The following PSD4 variants were observed in gnomAD, a reference collection of about 807,000 sequenced individuals.
The protein encoded by PSD4 is PH and SEC7 domain-containing protein 4.
In PSD4, 59 loss-of-function variants were observed where a neutral mutation model predicts 112.5. The ratio of observed to expected loss-of-function variants is 0.52; its 90% CI spans 0.43 to 0.65. The LOEUF is 0.65. PSD4 is among the 30% of genes least tolerant of loss of function. The pLI is 0.00. For missense variants in PSD4, 1,267 were observed against 1,352.6 expected, an observed-to-expected ratio of 0.94 and a Z score of 0.99; for synonymous variants, 533 against 540.0, an observed-to-expected ratio of 0.99 and a Z score of 0.18.
At chr2:113,184,872 G>T in intron 2 of PSD4, 85 bp from the exon 3 acceptor site, 1 of 1,570,266 alleles carries the variant, frequency 6.4e-7, no homozygotes. Context: ...GAGGCTTCAT[G>T]GGATTTGAGA....
chr2:113,189,890 G>A (rs1264365711), intron 5 of PSD4, among the ~76,000 whole-genome samples: 1 of 152,146 alleles, frequency 6.6e-6, no homozygotes, highest in Non-Finnish European at 1.5e-5. Context: ...ATTTGTTTGA[G>A]TTCATTGTAG....
chr2:113,182,408 C>T lies in PSD4; in HGVS notation c.-49C>T, dbSNP rs189845226. 3.2e-4 allele frequency: 475 copies of T among 1,494,686 alleles called. 6 individuals carry two copies. The African/African-American group carries it at 6.0e-3, about 19-fold the overall frequency. 92.6% of individuals were successfully genotyped at this position (1,494,686 alleles called of 1,614,324 possible). On this transcript the variant is annotated 5_prime_UTR_variant, in exon 2 of 17. Transcript: ENST00000245796. ...CTCCCCCTAGTCCACACAGTGAGACCGTGAAAGCAGATGCTCCGGGGCACT... is the reference window on the plus strand; with the variant it reads ...CTCCCCCTAGTCCACACAGTGAGACTGTGAAAGCAGATGCTCCGGGGCACT...
intron 5 of PSD4, among the ~76,000 whole-genome samples, chr2:113,190,653 G>C (rs1036747403): frequency 6.6e-6 from 1 of 152,074 alleles, no homozygotes; most frequent in South Asian, 2.1e-4. Flanking sequence ...ATGTTGCCCA[G>C]GCAGACCACA....
At chr2:113,180,669 C>T (rs1036100820) in intron 1 of PSD4, among the ~76,000 whole-genome samples, 11 of 149,728 alleles carry the variant, frequency 7.3e-5, no homozygotes, top group Non-Finnish European at 1.5e-4. Context: ...TGTTAAACAG[C>T]GACACGCAGG....
chr2:113,189,448 G>A (rs1688393602), intron 5 of PSD4, among the ~76,000 whole-genome samples: 1 of 151,746 alleles, frequency 6.6e-6, no homozygotes, highest in Non-Finnish European at 1.5e-5. Flanking sequence ...TTTTGTGATT[G>A]CAAATTGTGC....
At chr2:113,184,151 A>T (rs1426917935) in intron 2 of PSD4, among the ~76,000 whole-genome samples, 2 of 152,222 alleles carry the variant, frequency 1.3e-5, no homozygotes, top group Non-Finnish European at 2.9e-5. Flanking sequence ...TTAAGAGATA[A>T]GGAGACTCAA....
At position 113,182,663 on chromosome 2, in the gene PSD4, T is replaced by A; in HGVS notation, c.207T>A (p.Gly69=). The change falls in exon 2 of 17, where the codon GGT becomes GGA. Residue 69 remains glycine (G), a synonymous_variant. Transcript: ENST00000245796. ...TRQNVPPWGS[G]VELTHLGSWV... is the part of the protein sequence containing the mutation. ...AAAATGTTCCTCCCTGGGGCTCCGG[T>A]GTGGAGCTCACACACCTGGGGAGCT... is the stretch of plus-strand genomic sequence containing the variant. 6.2e-7 allele frequency: 1 copy of A among 1,613,590 alleles called. No individual in the cohort carries two copies. Among genetic ancestry groups the A allele is most frequent in the Non-Finnish European group, 8.5e-7 (1 of 1,179,770 alleles).
chr2:113,193,539 C>T (rs1688515394), intron 8 of PSD4, 53 bp from the exon 9 acceptor site: 1 of 1,576,112 alleles, frequency 6.3e-7, no homozygotes, highest in Non-Finnish European at 8.7e-7. Flanking sequence ...GCAGAGGAAA[C>T]AGGAGCCCTG....
intron 1 of PSD4, among the ~76,000 whole-genome samples, chr2:113,178,944 A>T (rs1036025996): frequency 2.0e-5 from 3 of 152,072 alleles, no homozygotes; most frequent in African/African-American, 7.2e-5. Flanking sequence ...AGAGCTAGGG[A>T]TGTCCTATGT....
Position 113,201,870 on chromosome 2 carries a change from G to C in PSD4, c.*455G>C. The C allele has an allele frequency of 6.0e-6, 1 of 167,236 alleles. No individual in the cohort carries two copies. Among genetic ancestry groups the C allele is most frequent in the South Asian group, 1.5e-4 (1 of 6,764 alleles). The allele number at this position is 167,236 out of a possible 1,614,324, so 10.4% of individuals were successfully genotyped here. ...GGGCAGCCCAGCCAGGGGAGCCACA[G>C]CCCCAAGGATGGTCTTGCTCTGGGA... On this transcript the variant is annotated 3_prime_UTR_variant, in exon 17 of 17. Coordinates refer to ENST00000245796, the MANE Select transcript of PSD4 (RefSeq NM_012455.3).
chr2:113,192,383 G>T lies in PSD4; in HGVS notation c.1632G>T (p.Glu544Asp), dbSNP rs1394751264. 1 of 1,614,064 alleles carries T rather than the reference G, an allele frequency of 6.2e-7. No individual in the cohort carries two copies. ...GCTCCTGCATGTCTATCTCAAGTGA[G>T]AATCTGAGGACACCGATGAACTCTT... ...PDIHLTSAEH[E>D]NLRTPMNSSW... The change falls in exon 6 of 17, where the codon GAG becomes GAT. Residue 544 changes from glutamate to aspartate, a missense_variant. By Grantham distance (45) the Glu-to-Asp change is conservative. Around this residue, in one of 2 missense-constraint regions of PSD4, gnomAD observed 723 missense variants for 704.0 expected, o/e 1.03. Transcript: ENST00000245796.
At chr2:113,196,406 C>A in intron 12 of PSD4, 99 bp downstream of exon 12, 2 of 1,428,880 alleles carry the variant, frequency 1.4e-6, no homozygotes, top group Non-Finnish European at 1.9e-6. Context: ...AGACAGCCCG[C>A]GTTGAGGACA....
At chr2:113,196,882 C>T (rs1442244642) in intron 12 of PSD4, among the ~76,000 whole-genome samples, 1 of 152,240 alleles carries the variant, frequency 6.6e-6, no homozygotes, top group Non-Finnish European at 1.5e-5. Context: ...CCTTATTCCA[C>T]AGGCAGCTGA....
Position 113,182,532 on chromosome 2 carries a change from G to C in PSD4, c.76G>C (p.Glu26Gln), listed in dbSNP as rs768287081. 6.2e-6 allele frequency: 10 copies of C among 1,614,168 alleles called. No homozygotes were observed. Among genetic ancestry groups the C allele is most frequent in the Middle Eastern group, 1.7e-4 (1 of 6,060 alleles). The change falls in exon 2 of 17, where the codon GAG (glutamate) becomes CAG (glutamine). Residue 26 changes from glutamate to glutamine, a missense_variant. Physicochemically the swap from Glu to Gln is conservative, Grantham distance 29. Transcript: ENST00000245796. ...ILNLYLGDSL[E>Q]PHPGECPRET... ...CAACCTGTACTTGGGAGACAGCCTG[G>C]AGCCCCACCCAGGAGAGTGCCCAAG...
chr2:113,185,372 T>C lies in PSD4; in HGVS notation c.1181T>C (p.Leu394Pro). ...CTTTGCCTCTCTCAACAGGCCTCTC[T>C]CAGCCCTGAGGGCTGGCAGAGAGGA... ...AAHPVQPWASLSPEGWQRGGP... is the reference protein window; with the variant it reads ...AAHPVQPWASPSPEGWQRGGP... The change falls in exon 4 of 17, where the codon CTC becomes CCC. Residue 394 changes from leucine (L) to proline (P), a missense_variant. Coordinates refer to ENST00000245796, the MANE Select transcript of PSD4 (RefSeq NM_012455.3). 1.9e-6 allele frequency: 3 copies of C among 1,614,146 alleles called. No individual in the cohort carries two copies. The highest frequency in any genetic ancestry group is 2.5e-6 in the Non-Finnish European group (3 of 1,180,020).
chr2:113,208,868 G>C lies in PSD4; in HGVS notation c.*7453G>C, dbSNP rs529604829. The C allele has an allele frequency of 6.6e-6, 1 of 152,312 alleles. No homozygotes were observed. Among genetic ancestry groups the C allele is most frequent in the African/African-American group, 2.4e-5 (1 of 41,556 alleles). The allele number at this position is 152,312 out of a possible 1,614,324, so 9.4% of individuals were successfully genotyped here. The stretch of plus-strand genomic sequence containing the variant: ...GAAAACCCACTTGAAAGAAATCCCA[G>C]TGCTGAAGAAAGAATTGAAACATAC... On this transcript the variant is annotated 3_prime_UTR_variant, in exon 17 of 17. Coordinates refer to ENST00000245796, the MANE Select transcript of PSD4 (RefSeq NM_012455.3).
intron 1 of PSD4, among the ~76,000 whole-genome samples, chr2:113,175,855 G>T (rs17043041): frequency 0.021 from 3,132 of 152,274 alleles, 111 homozygotes; most frequent in African/African-American, 0.072. Flanking sequence ...GCAGGACACG[G>T]TATTTCCTGA....
At chr2:113,177,229 C>T (rs1004894744) in intron 1 of PSD4, among the ~76,000 whole-genome samples, 5 of 152,166 alleles carry the variant, frequency 3.3e-5, no homozygotes, top group Non-Finnish European at 5.9e-5. Flanking sequence ...GCAGACTGGC[C>T]CCCGTGGGGA....
chr2:113,206,510 C>CA lies in PSD4; in HGVS notation c.*5096dup, dbSNP rs1268700208. On this transcript the variant is annotated 3_prime_UTR_variant, in exon 17 of 17. Coordinates refer to ENST00000245796, the MANE Select transcript of PSD4 (RefSeq NM_012455.3). ...CTCAGCCTGATCTTGCCCCAGTGGCCAGGCCCTTGAGTGGGACTGCCGGGA... is the reference window on the plus strand; with the variant it reads ...CTCAGCCTGATCTTGCCCCAGTGGCCAAGGCCCTTGAGTGGGACTGCCGGGA... 6.6e-6 allele frequency: 1 copy of CA among 152,306 alleles called. No individual in the cohort carries two copies. The highest frequency in any genetic ancestry group is 1.5e-5 in the Non-Finnish European group (1 of 68,070). The allele number at this position is 152,306 out of a possible 1,614,324, so 9.4% of individuals were successfully genotyped here.
Sources: allele counts gnomAD v4.1 joint callset (sites outside exome capture counted in the v4.1 genomes callset), GRCh38; gene constraint gnomAD v4.1.1; regional missense constraint gnomAD v4.1.1; transcripts MANE v1.5; gene names NCBI Gene and HGNC (gene_info 2026-07-23, HGNC 2026-07-21).